Variants in LDLRAD4 observed in about 807,000 individuals in gnomAD.
LDLRAD4 encodes low density lipoprotein receptor class A domain containing 4.
In LDLRAD4, 5 loss-of-function variants were observed where a neutral mutation model predicts 17.0. The observed-to-expected ratio is 0.29, with a 90% confidence interval of 0.15 to 0.62. The LOEUF (loss-of-function observed/expected upper bound fraction) is 0.62, where lower values mean the gene tolerates loss of function less well. Among genes scored for constraint, LDLRAD4 ranks in the 20% least tolerant of loss-of-function variants. The pLI is 0.84. For missense variants in LDLRAD4, 340 were observed against 424.7 expected (o/e 0.80, Z 1.75); for synonymous variants, 168 against 171.8 (o/e 0.98, Z 0.17).
chr18:13,542,205 T>C (rs2094294192), intron 3 of LDLRAD4: 1 of 152,268 alleles, frequency 6.6e-6, no homozygotes, highest in Non-Finnish European at 1.5e-5. Flanking sequence ...GTTCTGTCAA[T>C]GCAGAGAACA....
At chr18:13,297,226 T>A (rs2046326094) in intron 1 of LDLRAD4, among the ~76,000 whole-genome samples, 1 of 152,238 alleles carries the variant, frequency 6.6e-6, no homozygotes, top group African/African-American at 2.4e-5. Flanking sequence ...TAAGCCACTC[T>A]GGGTACTAAG....
intron 1 of LDLRAD4, among the ~76,000 whole-genome samples, chr18:13,284,645 C>T (rs1366440442): frequency 6.6e-6 from 1 of 152,146 alleles, no homozygotes; most frequent in African/African-American, 2.4e-5. Context: ...ATGGGATTCT[C>T]AGCAGCAGCT....
In LDLRAD4 at chr18:13,486,027, T is replaced by C. The variant is rs116673207; in HGVS notation, c.181+47643T>C. 8.6e-3 allele frequency among the ~76,000 whole-genome samples: 1,304 copies of C among 152,364 alleles called. 17 individuals are homozygous for C. The highest frequency in any genetic ancestry group is 0.029 in the African/African-American group (1,203 of 41,592). On this transcript the variant is annotated intron_variant, in intron 3 of 5. Transcript: ENST00000359446. ...TCCCTTCTCTTCTGGTTTAGCTTTA[T>C]TCAGAAGCTGCCTCTGCTGAAGTAG... is the stretch of plus-strand genomic sequence containing the variant.
At chr18:13,571,001 G>A (rs139610772) in intron 3 of LDLRAD4, among the ~76,000 whole-genome samples, 2 of 152,152 alleles carry the variant, frequency 1.3e-5, no homozygotes, top group East Asian at 3.9e-4. Flanking sequence ...AAGTGTTTTT[G>A]TGGAGATGGG....
intron 3 of LDLRAD4, among the ~76,000 whole-genome samples, chr18:13,481,169 G>T (rs781157742): frequency 6.6e-6 from 1 of 152,284 alleles, no homozygotes; most frequent in East Asian, 1.9e-4. Context: ...CTGTCCTCCC[G>T]TCATCTTCTG....
intron 1 of LDLRAD4, among the ~76,000 whole-genome samples, chr18:13,326,469 C>G (rs974969250): frequency 1.3e-5 from 2 of 152,136 alleles, no homozygotes; most frequent in Admixed American, 1.3e-4. Context: ...TTTTCTGCAC[C>G]TGGGAAGCGA....
At chr18:13,232,267 T>C (rs936558639) in intron 1 of LDLRAD4, among the ~76,000 whole-genome samples, 1 of 152,228 alleles carries the variant, frequency 6.6e-6, no homozygotes, top group African/African-American at 2.4e-5. Context: ...GTGCAGAGAC[T>C]TGGCCTGGTG....
At chr18:13,462,818 CA>C (rs1007263308) in intron 3 of LDLRAD4, among the ~76,000 whole-genome samples, 2 of 152,120 alleles carry the variant, frequency 1.3e-5, no homozygotes, top group African/African-American at 4.8e-5. Context: ...AGCTTTTCTA[CA>C]ACAATGTAGC....
At chr18:13,322,238 T>C (rs2081287943) in intron 1 of LDLRAD4, among the ~76,000 whole-genome samples, 1 of 151,444 alleles carries the variant, frequency 6.6e-6, no homozygotes. Context: ...ATTTTTAAAA[T>C]GGCTCTCACT....
chr18:13,333,905 A>C (rs972453043), intron 1 of LDLRAD4, among the ~76,000 whole-genome samples: 19 of 152,142 alleles, frequency 1.2e-4, no homozygotes, highest in African/African-American at 7.2e-5. Context: ...CCTCCTTGTA[A>C]ATTTTAGAAT....
chr18:13,412,616 G>A (rs2088483626), intron 2 of LDLRAD4, among the ~76,000 whole-genome samples: 1 of 152,102 alleles, frequency 6.6e-6, no homozygotes, highest in Non-Finnish European at 1.5e-5. Context: ...CGACTTTATG[G>A]GCCTCCACTC....
intron 1 of LDLRAD4, among the ~76,000 whole-genome samples, chr18:13,349,061 G>A (rs149656919): frequency 0.01 from 1,528 of 152,206 alleles, 13 homozygotes; most frequent in African/African-American, 0.026. Context: ...GCTCACGCTC[G>A]GTGCGCTGCC....
intron 1 of LDLRAD4, among the ~76,000 whole-genome samples, chr18:13,278,821 T>C (rs2045059122): frequency 6.6e-6 from 1 of 152,176 alleles, no homozygotes; most frequent in South Asian, 2.1e-4. Context: ...GAACAGTGCC[T>C]GCAGTGTCAG....
chr18:13,430,653 A>T (rs2090272689), intron 2 of LDLRAD4, among the ~76,000 whole-genome samples: 1 of 152,176 alleles, frequency 6.6e-6, no homozygotes, highest in Non-Finnish European at 1.5e-5. Flanking sequence ...GGACTTTCTG[A>T]TACACACACA....
At chr18:13,407,111 TGTGTACTGTGTGTAG>T (rs2087839735) in intron 2 of LDLRAD4, among the ~76,000 whole-genome samples, 2 of 152,016 alleles carry the variant, frequency 1.3e-5, no homozygotes, top group Non-Finnish European at 2.9e-5. Context: ...ATGGGTTCTC[TGTGTACTGTGTGTAG>T]GATGCCCCGG....
chr18:13,370,495 G>T (rs1316263160), intron 1 of LDLRAD4, among the ~76,000 whole-genome samples: 3 of 152,112 alleles, frequency 2.0e-5, no homozygotes, highest in Non-Finnish European at 4.4e-5. Flanking sequence ...CTGTGTTGAT[G>T]CCCCTAGTGA....
chr18:13,552,638 C>T (rs1038591856), intron 3 of LDLRAD4, among the ~76,000 whole-genome samples: 17 of 152,136 alleles, frequency 1.1e-4, no homozygotes, highest in Non-Finnish European at 2.4e-4. Flanking sequence ...GAGAGGCTGA[C>T]GGCTGAGGTA....
At chr18:13,439,356 A>G (rs2090875233) in intron 3 of LDLRAD4, among the ~76,000 whole-genome samples, 2 of 152,246 alleles carry the variant, frequency 1.3e-5, no homozygotes, top group Admixed American at 6.5e-5. Context: ...GTATGTCCCC[A>G]ATATAAAAAT....
intron 3 of LDLRAD4, chr18:13,521,908 G>T (rs996921197): frequency 6.7e-6 from 1 of 150,354 alleles, no homozygotes; most frequent in Non-Finnish European, 1.5e-5. Flanking sequence ...CCAAGACTTG[G>T]TTTTGTCTCC....
Sources: gnomAD v4.1 joint callset for allele counts (sites outside exome capture counted in the v4.1 genomes callset) on GRCh38, gnomAD v4.1.1 for gene constraint, MANE v1.5 for transcripts, NCBI Gene and HGNC (gene_info 2026-07-23, HGNC 2026-07-21) for gene names.